Variants in ZNF592 observed in about 807,000 individuals in gnomAD.
ZNF592 encodes the protein spinocerebellar ataxia, autosomal recessive 5.
Under a neutral mutation model 80.3 loss-of-function variants are expected in ZNF592, and 11 were observed. The observed-to-expected ratio is 0.14, with a 90% confidence interval of 0.09 to 0.23. The LOEUF is 0.23. Ranked by LOEUF, ZNF592 falls within the 10% of genes least tolerant of loss-of-function variation. The probability of loss-of-function intolerance (pLI) is 1.00; values close to 1 mark genes in which losing one functional copy is unlikely to be tolerated. For missense variants in ZNF592, 1,420 were observed against 1,633.9 expected (o/e 0.87, Z 2.26); for synonymous variants, 646 against 640.3 (o/e 1.01, Z -0.13).
At chr15:84,760,648 G>A (rs1486611851) in intron 1 of ZNF592, among the ~76,000 whole-genome samples, 1 of 152,176 alleles carries the variant, frequency 6.6e-6, no homozygotes, top group African/African-American at 2.4e-5. Flanking sequence ...TGTGTGTGTG[G>A]TGTAGAGATA....
chr15:84,799,844 A>G lies in ZNF592; in HGVS notation c.3140A>G (p.Tyr1047Cys). 2 of 1,614,066 alleles carry G rather than the reference A, an allele frequency of 1.2e-6. No homozygotes were observed. The highest frequency in any genetic ancestry group is 1.7e-6 in the Non-Finnish European group (2 of 1,180,022). The change falls in exon 10 of 11, where the codon TAC becomes TGC. Residue 1047 changes from tyrosine to cysteine, a missense_variant and splice_region_variant. This residue lies in a region of ZNF592 where 331 missense variants were observed against 347.0 expected (regional missense o/e 0.95). Coordinates refer to ENST00000560079, the MANE Select transcript of ZNF592 (RefSeq NM_014630.3). The surrounding 1 kb of genome is among the most constrained non-coding windows in gnomAD (Gnocchi z 4.2). Reference sequence around the variant, plus strand: ...ACCTCTCCGCTGTGCTTCTGCAGGTACTGCACAGAGGACAGCCCCAGCTTT... The same window carrying G: ...ACCTCTCCGCTGTGCTTCTGCAGGTGCTGCACAGAGGACAGCCCCAGCTTT... ...DTVKKFYTCG[Y>C]CTEDSPSFPR... is the part of the protein sequence containing the mutation.
At chr15:84,776,851 G>A (rs1962267831) in intron 2 of ZNF592, among the ~76,000 whole-genome samples, 1 of 151,956 alleles carries the variant, frequency 6.6e-6, no homozygotes, top group South Asian at 2.1e-4. Context: ...GGAGATCAAG[G>A]CCACCCTGGC....
intron 1 of ZNF592, among the ~76,000 whole-genome samples, chr15:84,750,249 C>T (rs1052261577): frequency 2.0e-5 from 3 of 152,182 alleles, no homozygotes; most frequent in Non-Finnish European, 4.4e-5. Context: ...GTTGCAGTGA[C>T]CTGAGATCGT....
intron 1 of ZNF592, among the ~76,000 whole-genome samples, chr15:84,754,063 G>C (rs528817600): frequency 6.6e-6 from 1 of 152,322 alleles, no homozygotes; most frequent in East Asian, 1.9e-4. Context: ...GGAATTGTGT[G>C]TGTGTGTGTT....
In ZNF592 at chr15:84,784,226, A is replaced by G. The variant is rs1339770057; in HGVS notation, c.1551A>G (p.Ala517=). Residue 517 remains alanine, a synonymous_variant, in exon 4 of 11, where the codon GCA becomes GCG. Coordinates refer to ENST00000560079, the MANE Select transcript of ZNF592 (RefSeq NM_014630.3). This position sits in a 1 kb window ranked among gnomAD's most constrained non-coding sequence, Gnocchi z 5.8. The stretch of plus-strand genomic sequence containing the variant: ...ACCTCGTCCCCCACAGTGTTGCTGC[A>G]TCAGTGACAGCCAAGTCTTCAGTGC... ...NLNLVPHSVA[A]SVTAKSSVQR... The G allele has an allele frequency of 2.5e-6, 4 of 1,614,122 alleles. No homozygotes were observed. The highest frequency in any genetic ancestry group is 3.3e-4 in the Middle Eastern group (2 of 6,084).
At chr15:84,794,517 C>G (rs921297735) in intron 5 of ZNF592, among the ~76,000 whole-genome samples, 28 of 151,578 alleles carry the variant, frequency 1.8e-4, no homozygotes, top group African/African-American at 6.8e-4. Context: ...ACTCTGTTGA[C>G]CAGGCTGGAG....
chr15:84,796,023 A>G (rs1426878646), intron 5 of ZNF592, among the ~76,000 whole-genome samples: 2 of 151,588 alleles, frequency 1.3e-5, no homozygotes, highest in Non-Finnish European at 2.9e-5. Context: ...GGCGTTCAAG[A>G]CCAGCGCGGC....
At position 84,802,614 on chromosome 15, in the gene ZNF592, AT is replaced by A; in HGVS notation, c.*222del. ...AGCTCTGAATTTGCTTCTGTTATTT[AT>A]GGCTTTTCGCTGCTTCTTGGTGCCC... On this transcript the variant is annotated 3_prime_UTR_variant, in exon 11 of 11. Transcript: ENST00000560079. The A allele has an allele frequency of 1.7e-6, 1 of 602,462 alleles. No individual in the cohort carries two copies. The highest frequency in any genetic ancestry group is 2.0e-5 in the South Asian group (1 of 50,604). 37.3% of individuals were successfully genotyped at this position (602,462 alleles called of 1,614,324 possible). A position where few individuals can be genotyped will look rare whatever the true frequency, so the allele number is the denominator to read the frequency against.
chr15:84,802,158 C>A lies in ZNF592; in HGVS notation c.3569C>A (p.Ala1190Glu). 1 of 1,602,910 alleles carries A rather than the reference C, an allele frequency of 6.2e-7. No individual in the cohort carries two copies. The highest frequency in any genetic ancestry group is 8.5e-7 in the Non-Finnish European group (1 of 1,171,904). Reference sequence around the variant, plus strand: ...GAGGAGGAGGAGGAAGAGGAGGCGGCGGCAGCGGAGATGGCAGTGGAGGTG... The same window carrying A: ...GAGGAGGAGGAGGAAGAGGAGGCGGAGGCAGCGGAGATGGCAGTGGAGGTG... ...DQEEEEEEEA[A>E]AAEMAVEVAE... The change falls in exon 11 of 11, where the codon GCG becomes GAG. Residue 1190 changes from alanine (A) to glutamate (E), a missense_variant. Physicochemically the swap from Ala to Glu is moderately radical, Grantham distance 107 (BLOSUM62 -1). Around this residue, in one of 7 missense-constraint regions of ZNF592, gnomAD observed 145 missense variants for 211.9 expected, o/e 0.68. Transcript: ENST00000560079.
At chr15:84,793,080 A>AT (rs1015810202) in intron 5 of ZNF592, among the ~76,000 whole-genome samples, 24 of 150,876 alleles carry the variant, frequency 1.6e-4, no homozygotes, top group African/African-American at 5.6e-4. Flanking sequence ...AAGAAAAAAA[A>AT]TTTTTTTTTT....
intron 2 of ZNF592, among the ~76,000 whole-genome samples, chr15:84,773,438 C>A (rs1029712800): frequency 6.6e-6 from 1 of 152,106 alleles, no homozygotes; most frequent in Non-Finnish European, 1.5e-5. Context: ...GTCTCGATCT[C>A]CTGACCTCGT....
chr15:84,772,361 T>G (rs2141975289), intron 2 of ZNF592, among the ~76,000 whole-genome samples: 1 of 152,164 alleles, frequency 6.6e-6, no homozygotes, highest in African/African-American at 2.4e-5. Context: ...CCATTCCTGG[T>G]ATAACATAGG....
At position 84,802,262 on chromosome 15, in the gene ZNF592, C is replaced by T. The variant is rs759583465; in HGVS notation, c.3673C>T (p.Pro1225Ser). The change falls in exon 11 of 11, where the codon CCT (proline) becomes TCT (serine). Residue 1225 changes from proline to serine, a missense_variant. Transcript: ENST00000560079. ...ENGLEECAGE[P>S]LSADPEARRL... is the part of the protein sequence containing the mutation. ...TGGACTGGAAGAATGTGCCGGTGAG[C>T]CTTTGTCAGCTGACCCAGAGGCGAG... The T allele has an allele frequency of 3.1e-6, 5 of 1,608,134 alleles. No individual in the cohort carries two copies. Among genetic ancestry groups the T allele is most frequent in the Middle Eastern group, 1.7e-4 (1 of 6,034 alleles).
intron 2 of ZNF592, among the ~76,000 whole-genome samples, chr15:84,777,523 T>C (rs948690670): frequency 4.7e-5 from 7 of 150,198 alleles, no homozygotes; most frequent in African/African-American, 1.7e-4. Flanking sequence ...GGTCTCACTA[T>C]GTTGGTCTTG....
chr15:84,763,723 C>T (rs1052979399), intron 1 of ZNF592, among the ~76,000 whole-genome samples: 1 of 152,168 alleles, frequency 6.6e-6, no homozygotes, highest in Non-Finnish European at 1.5e-5. Context: ...AAATGTTGGT[C>T]TGTCAAAACT....
Position 84,798,130 on chromosome 15 carries a change from A to T in ZNF592, c.2576+85A>T. ...GTAGGGGGTGGCATAGGGATGGGTG[A>T]GGGAGCTGGGGTTAGTGGCAGAGGT... On this transcript the variant is annotated intron_variant, in intron 6 of 10. Coordinates refer to ENST00000560079, the MANE Select transcript of ZNF592 (RefSeq NM_014630.3). This position sits in a 1 kb window ranked among gnomAD's most constrained non-coding sequence, Gnocchi z 4.5. 6.3e-7 allele frequency: 1 copy of T among 1,584,150 alleles called. No individual in the cohort carries two copies. Among genetic ancestry groups the T allele is most frequent in the South Asian group, 1.1e-5 (1 of 89,852 alleles).
In ZNF592 at chr15:84,798,526, G is replaced by A; in HGVS notation, c.2736+52G>A. 1.2e-6 allele frequency: 2 copies of A among 1,613,836 alleles called. No individual in the cohort carries two copies. Among genetic ancestry groups the A allele is most frequent in the Middle Eastern group, 3.3e-4 (2 of 6,062 alleles). On this transcript the variant is annotated intron_variant, in intron 7 of 10. Coordinates refer to ENST00000560079, the MANE Select transcript of ZNF592 (RefSeq NM_014630.3). The surrounding 1 kb of genome is among the most constrained non-coding windows in gnomAD (Gnocchi z 4.5). ...GGGAGGAGGGCACATGCCTCAGGCTGGGGGTCTGACTCTGTGCATCTTTCC... is the reference window on the plus strand; with the variant it reads ...GGGAGGAGGGCACATGCCTCAGGCTAGGGGTCTGACTCTGTGCATCTTTCC...
At chr15:84,797,836 C>T (rs1467671255) in intron 5 of ZNF592, 33 bp from the exon 6 acceptor site, 2 of 1,612,650 alleles carry the variant, frequency 1.2e-6, no homozygotes, top group South Asian at 1.1e-5. Flanking sequence ...CCCTATACTC[C>T]ACCCACACTC....
At chr15:84,749,405 A>G (rs566635098) in intron 1 of ZNF592, among the ~76,000 whole-genome samples, 15 of 152,206 alleles carry the variant, frequency 9.9e-5, no homozygotes, top group Non-Finnish European at 1.9e-4. Context: ...AGGGGTCCGT[A>G]TGACCTTAGG....
Sources: gnomAD v4.1 joint callset for allele counts (sites outside exome capture counted in the v4.1 genomes callset) on GRCh38, gnomAD v4.1.1 for gene constraint, gnomAD v4.1.1 regional missense constraint, Gnocchi (gnomAD v3.1) non-coding constraint, MANE v1.5 for transcripts, NCBI Gene and HGNC (gene_info 2026-07-23, HGNC 2026-07-21) for gene names.